Variants in ARFGEF3 observed in about 807,000 individuals in gnomAD.
ARFGEF3 encodes ARFGEF family member 3, also known as brefeldin A-inhibited guanine nucleotide-exchange protein 3.
A neutral mutation model predicts 221.7 loss-of-function variants in ARFGEF3; 96 were observed. The observed-to-expected ratio is 0.43, with a 90% CI of 0.37 to 0.51. The LOEUF (loss-of-function observed/expected upper bound fraction) is 0.51. Among genes scored for constraint, ARFGEF3 ranks in the 20% least tolerant of loss-of-function variants. The pLI, the probability that ARFGEF3 is intolerant of heterozygous loss-of-function variation, is 0.00. For synonymous variants in ARFGEF3, 1,145 were observed against 1,126.8 expected, an observed-to-expected ratio of 1.02 and a Z score of -0.32; for missense variants, 2,410 against 2,789.9, an observed-to-expected ratio of 0.86 and a Z score of 3.07.
At chr6:138,272,319 C>T (rs1291910925) in intron 12 of ARFGEF3, among the ~76,000 whole-genome samples, 1 of 152,072 alleles carries the variant, frequency 6.6e-6, no homozygotes, top group Non-Finnish European at 1.5e-5. Context: ...CCACGCCTGG[C>T]TAATTTTTTG....
chr6:138,167,009 C>T (rs73774676), intron 1 of ARFGEF3, among the ~76,000 whole-genome samples: 5,456 of 152,284 alleles, frequency 0.036, 101 homozygotes, highest in African/African-American at 0.047. Flanking sequence ...CCTCCATCAT[C>T]CCACCAACTC....
At chr6:138,212,731 A>G (rs887051332) in intron 4 of ARFGEF3, among the ~76,000 whole-genome samples, 5 of 152,222 alleles carry the variant, frequency 3.3e-5, no homozygotes, top group Non-Finnish European at 7.3e-5. Flanking sequence ...TTGCAGGGAC[A>G]TGGATGAAGC....
chr6:138,243,256 T>G (rs1194025017), intron 7 of ARFGEF3, among the ~76,000 whole-genome samples: 1 of 152,214 alleles, frequency 6.6e-6, no homozygotes, highest in Non-Finnish European at 1.5e-5. Flanking sequence ...ACCTCTCATT[T>G]GGAGGCGGGC....
At chr6:138,273,641 T>A (rs1384959695) in intron 12 of ARFGEF3, among the ~76,000 whole-genome samples, 3 of 152,146 alleles carry the variant, frequency 2.0e-5, no homozygotes, top group Admixed American at 1.3e-4. Flanking sequence ...TGCAAAAACC[T>A]GAAGTGTGGG....
intron 2 of ARFGEF3, among the ~76,000 whole-genome samples, chr6:138,202,858 A>T (rs1390636864): frequency 2.0e-5 from 3 of 152,070 alleles, no homozygotes; most frequent in Admixed American, 6.6e-5. Context: ...ATAAAATTAT[A>T]GTAGCCTACA....
intron 5 of ARFGEF3, among the ~76,000 whole-genome samples, chr6:138,232,420 T>C (rs1208819107): frequency 6.6e-6 from 1 of 152,162 alleles, no homozygotes; most frequent in Non-Finnish European, 1.5e-5. Context: ...CAGAATTGGT[T>C]AAACCTGGGA....
At chr6:138,227,381 G>A (rs1778105029) in intron 4 of ARFGEF3, among the ~76,000 whole-genome samples, 1 of 152,148 alleles carries the variant, frequency 6.6e-6, no homozygotes, top group Non-Finnish European at 1.5e-5. Context: ...CAGAAAACTG[G>A]GTCAAGTTTC....
chr6:138,239,652 GAA>G (rs1210032134), intron 6 of ARFGEF3, among the ~76,000 whole-genome samples: 8 of 78,802 alleles, frequency 1.0e-4, no homozygotes, highest in Admixed American at 1.4e-4. Context: ...TCTGTCTCAG[GAA>G]AAAAAAAAAA....
chr6:138,286,375 G>A (rs185945108), intron 15 of ARFGEF3, among the ~76,000 whole-genome samples: 14 of 151,634 alleles, frequency 9.2e-5, no homozygotes, highest in South Asian at 2.1e-4. Flanking sequence ...GCATGAACCC[G>A]GGAGGCGGAG....
At chr6:138,227,414 C>G (rs1479295917) in intron 4 of ARFGEF3, among the ~76,000 whole-genome samples, 2 of 152,190 alleles carry the variant, frequency 1.3e-5, no homozygotes, top group Admixed American at 1.3e-4. Flanking sequence ...CTAAACCTAC[C>G]TTTGTGTACC....
At chr6:138,221,321 T>C (rs908152218) in intron 4 of ARFGEF3, among the ~76,000 whole-genome samples, 3 of 152,210 alleles carry the variant, frequency 2.0e-5, no homozygotes, top group Non-Finnish European at 4.4e-5. Flanking sequence ...TAGATTCTGT[T>C]TCTTGATGGG....
chr6:138,328,570 G>A (rs372386790), intron 32 of ARFGEF3, among the ~76,000 whole-genome samples: 8 of 151,928 alleles, frequency 5.3e-5, no homozygotes, highest in African/African-American at 1.5e-4. Context: ...TAACCCTCAC[G>A]ACCTCATTTT....
chr6:138,182,759 G>A (rs1421603683), intron 2 of ARFGEF3, among the ~76,000 whole-genome samples: 2 of 152,138 alleles, frequency 1.3e-5, no homozygotes, highest in African/African-American at 4.8e-5. Flanking sequence ...GAAGAGGCTA[G>A]GTAACAATTG....
At chr6:138,264,982 C>G (rs9494986) in intron 12 of ARFGEF3, among the ~76,000 whole-genome samples, 4,185 of 151,190 alleles carry the variant, frequency 0.028, 184 homozygotes, top group African/African-American at 0.095. Flanking sequence ...CGGCTCACTG[C>G]AAGCTCCGCC....
rs1430658063 is a variant in ARFGEF3, at chr6:138,323,666, G to C, written c.4767-5G>C. On this transcript the variant is annotated splice_polypyrimidine_tract_variant and splice_region_variant and intron_variant, in intron 29 of 33. Transcript: ENST00000251691. ...AAAAACTCCTTTACTTGTTTCTTTT[G>C]GCAGATACGTCCTTGTGACAGCGGG... The C allele has an allele frequency of 6.2e-7, 1 of 1,610,808 alleles. No homozygotes were observed. Among genetic ancestry groups the C allele is most frequent in the Non-Finnish European group, 8.5e-7 (1 of 1,178,006 alleles).
chr6:138,199,328 TA>T (rs1338429798), intron 2 of ARFGEF3, among the ~76,000 whole-genome samples: 12 of 152,226 alleles, frequency 7.9e-5, no homozygotes. Flanking sequence ...AGTTATTTGA[TA>T]AATGGCTTAG....
At position 138,291,351 on chromosome 6, in the gene ARFGEF3, C is replaced by G. The variant is rs1223372114; in HGVS notation, c.3048-382C>G. Among the ~76,000 whole-genome samples the G allele has an allele frequency of 6.6e-6, 1 of 152,120 alleles. No individual in the cohort carries two copies. Among genetic ancestry groups the G allele is most frequent in the Non-Finnish European group, 1.5e-5 (1 of 68,022 alleles). ...AGGGAAACGCTTCCCAACTCCTAATCAGAGCACTATATGGAGGGAAAGAGG... is the reference window on the plus strand; with the variant it reads ...AGGGAAACGCTTCCCAACTCCTAATGAGAGCACTATATGGAGGGAAAGAGG... On this transcript the variant is annotated intron_variant, in intron 18 of 33. Coordinates refer to ENST00000251691, the MANE Select transcript of ARFGEF3 (RefSeq NM_020340.5). The surrounding 1 kb of genome is among the most constrained non-coding windows in gnomAD (Gnocchi z 4.5).
At chr6:138,169,569 G>A (rs541103134) in intron 1 of ARFGEF3, among the ~76,000 whole-genome samples, 7 of 152,294 alleles carry the variant, frequency 4.6e-5, no homozygotes, top group African/African-American at 1.7e-4. Flanking sequence ...GTGCTAACTG[G>A]TGGGCTGCAC....
chr6:138,316,209 C>T (rs1250734363), intron 26 of ARFGEF3, among the ~76,000 whole-genome samples: 1 of 152,068 alleles, frequency 6.6e-6, no homozygotes, highest in African/African-American at 2.4e-5. Flanking sequence ...AAGTTTTCTA[C>T]ATAATCAATG....
Sources: gnomAD v4.1 joint callset for allele counts (sites outside exome capture counted in the v4.1 genomes callset) on GRCh38, gnomAD v4.1.1 for gene constraint, Gnocchi (gnomAD v3.1) non-coding constraint, MANE v1.5 for transcripts, NCBI Gene and HGNC (gene_info 2026-07-23, HGNC 2026-07-21) for gene names.